AJAP1: variants seen among roughly 807,000 people sequenced by gnomAD.
The protein encoded by AJAP1 is adherens junctions associated protein 1.
A neutral mutation model predicts 35.0 loss-of-function variants in AJAP1; 5 were observed. The ratio of observed to expected loss-of-function variants is 0.14; its 90% CI spans 0.07 to 0.30. AJAP1 has a LOEUF of 0.30. Among genes scored for constraint, AJAP1 ranks in the 10% least tolerant of loss-of-function variants. AJAP1 has a pLI of 1.00. For missense variants in AJAP1, 586 were observed against 571.0 expected, an observed-to-expected ratio of 1.03 and a Z score of -0.27; for synonymous variants, 284 against 249.3, an observed-to-expected ratio of 1.14 and a Z score of -1.31.
intron 3 of AJAP1, among the ~76,000 whole-genome samples, chr1:4,770,309 C>G (rs1041779411): frequency 3.3e-5 from 5 of 152,224 alleles, no homozygotes; most frequent in African/African-American, 1.2e-4. Flanking sequence ...GCCCTTCTGC[C>G]AGCACCCAGC....
chr1:4,701,153 G>T (rs1335409923), intron 1 of AJAP1, among the ~76,000 whole-genome samples: 1 of 152,240 alleles, frequency 6.6e-6, no homozygotes, highest in Non-Finnish European at 1.5e-5. Flanking sequence ...GTGCCCCAAA[G>T]TTGCTGCAGA....
intron 1 of AJAP1, among the ~76,000 whole-genome samples, chr1:4,697,850 C>A (rs1639901257): frequency 6.6e-6 from 1 of 152,240 alleles, no homozygotes; most frequent in Non-Finnish European, 1.5e-5. Flanking sequence ...TCTGGACCTG[C>A]CTGGTCCTGG....
chr1:4,718,575 C>T (rs570428474), intron 2 of AJAP1, among the ~76,000 whole-genome samples: 20 of 151,800 alleles, frequency 1.3e-4, no homozygotes, highest in Admixed American at 3.3e-4. Context: ...CTCTGCCTCT[C>T]GGGTTCAAGC....
chr1:4,705,934 G>A (rs917677731), intron 1 of AJAP1, among the ~76,000 whole-genome samples: 3 of 152,306 alleles, frequency 2.0e-5, no homozygotes, highest in East Asian at 1.9e-4. Flanking sequence ...GCACCATGAC[G>A]CTGTGGCATG....
At chr1:4,769,722 G>A (rs986961253) in intron 2 of AJAP1, 131 bp from the exon 3 acceptor site, 10 of 776,436 alleles carry the variant, frequency 1.3e-5, no homozygotes, top group Admixed American at 5.3e-5. Flanking sequence ...ATGCTGCCCC[G>A]AGTTCCCCGC....
Position 4,712,513 on chromosome 1 carries a change from A to T in AJAP1, c.643A>T (p.Thr215Ser). ...TVSILQTRKT[T>S]VAATTTTTTT... Reference sequence around the variant, plus strand: ...CTCCATCCTACAAACACGGAAGACAACTGTGGCCGCCACCACCACCACCAC... The same window carrying T: ...CTCCATCCTACAAACACGGAAGACATCTGTGGCCGCCACCACCACCACCAC... Residue 215 changes from threonine to serine, a missense_variant, in exon 2 of 6, where the codon ACT becomes TCT. Transcript: ENST00000378191. 1.9e-6 allele frequency: 3 copies of T among 1,612,804 alleles called. No homozygotes were observed. Among genetic ancestry groups the T allele is most frequent in the Non-Finnish European group, 2.5e-6 (3 of 1,179,574 alleles).
chr1:4,673,741 G>A (rs748188961), intron 1 of AJAP1, among the ~76,000 whole-genome samples: 4 of 152,154 alleles, frequency 2.6e-5, no homozygotes, highest in Non-Finnish European at 5.9e-5. Context: ...GCGAGTCCTG[G>A]CTCTGGCTCT....
At chr1:4,675,277 C>T (rs1200509961) in intron 1 of AJAP1, among the ~76,000 whole-genome samples, 1 of 152,210 alleles carries the variant, frequency 6.6e-6, no homozygotes, top group Non-Finnish European at 1.5e-5. Flanking sequence ...CCGTCATACT[C>T]ACAGTAATGG....
intron 1 of AJAP1, among the ~76,000 whole-genome samples, chr1:4,658,960 C>T (rs7549960): frequency 0.2 from 29,692 of 152,148 alleles, 4,316 homozygotes; most frequent in African/African-American, 0.42. Context: ...CCAGTCTCCA[C>T]TTCCACAGCG....
chr1:4,778,460 C>T (rs1641981911), intron 5 of AJAP1, among the ~76,000 whole-genome samples: 1 of 152,186 alleles, frequency 6.6e-6, no homozygotes, highest in Non-Finnish European at 1.5e-5. Flanking sequence ...ATGAGAGCCT[C>T]CTCCTGGGCC....
At chr1:4,716,683 ATGG>A (rs1640398564) in intron 2 of AJAP1, among the ~76,000 whole-genome samples, 1 of 130,472 alleles carries the variant, frequency 7.7e-6, no homozygotes, top group African/African-American at 3.4e-5. Context: ...AATGGTGGAA[ATGG>A]TGGTGATGAT....
chr1:4,715,472 T>C (rs578070879), intron 2 of AJAP1, among the ~76,000 whole-genome samples: 22 of 152,282 alleles, frequency 1.4e-4, no homozygotes, highest in African/African-American at 4.1e-4. Flanking sequence ...TCACCTGAGG[T>C]CAGGAGTTCG....
intron 2 of AJAP1, among the ~76,000 whole-genome samples, chr1:4,766,066 T>A (rs971458245): frequency 1.3e-5 from 2 of 152,218 alleles, no homozygotes; most frequent in Admixed American, 1.3e-4. Flanking sequence ...TTTTATTTAA[T>A]CTATAAGCAG....
chr1:4,689,523 G>T (rs1639688430), intron 1 of AJAP1, among the ~76,000 whole-genome samples: 1 of 152,198 alleles, frequency 6.6e-6, no homozygotes, highest in African/African-American at 2.4e-5. Context: ...TGGGGCCCTG[G>T]CTGGAAGTGG....
intron 1 of AJAP1, among the ~76,000 whole-genome samples, chr1:4,683,261 T>G (rs1639528097): frequency 6.6e-6 from 1 of 152,250 alleles, no homozygotes; most frequent in Non-Finnish European, 1.5e-5. Flanking sequence ...TGCCTGGCAC[T>G]GGGCCTGCCC....
At chr1:4,777,174 T>G (rs1458856176) in intron 5 of AJAP1, among the ~76,000 whole-genome samples, 1 of 152,158 alleles carries the variant, frequency 6.6e-6, no homozygotes, top group Non-Finnish European at 1.5e-5. Flanking sequence ...ATCTCTCAGA[T>G]TTGCTGGGGT....
At chr1:4,748,630 C>T (rs1219544596) in intron 2 of AJAP1, among the ~76,000 whole-genome samples, 3 of 151,854 alleles carry the variant, frequency 2.0e-5, no homozygotes, top group African/African-American at 7.3e-5. Flanking sequence ...TGCCTGTAAT[C>T]CCAGCAACTC....
chr1:4,772,264 ACT>A lies in AJAP1; in HGVS notation c.918-13_918-12del. ...GCCTCTGCCCGTCCCCCTACCCCAA[ACT>A]CTTTCTCTTCCAGCTGTGCCCAAAG... On this transcript the variant is annotated splice_polypyrimidine_tract_variant and intron_variant, in intron 3 of 5. Transcript: ENST00000378191. The A allele has an allele frequency of 6.2e-7, 1 of 1,612,888 alleles. No homozygotes were observed. Among genetic ancestry groups the A allele is most frequent in the Non-Finnish European group, 8.5e-7 (1 of 1,179,412 alleles).
At chr1:4,710,640 C>A (rs1640209776) in intron 1 of AJAP1, among the ~76,000 whole-genome samples, 4 of 152,400 alleles carry the variant, frequency 2.6e-5, no homozygotes, top group Admixed American at 2.6e-4. Flanking sequence ...CGCTTGGCAC[C>A]TGAACACCCT....
Sources: allele counts gnomAD v4.1 joint callset (sites outside exome capture counted in the v4.1 genomes callset), GRCh38; gene constraint gnomAD v4.1.1; transcripts MANE v1.5; gene names NCBI Gene and HGNC (gene_info 2026-07-23, HGNC 2026-07-21).